SKI: variants seen among roughly 807,000 people sequenced by gnomAD.
SKI encodes the protein SKI proto-oncogene.
In SKI, 23 loss-of-function variants were observed where a neutral mutation model predicts 59.3. That is an observed-to-expected ratio of 0.39 (90% CI 0.28 to 0.55). The LOEUF is 0.55. SKI is among the 20% of genes least tolerant of loss of function. SKI has a pLI of 0.67. For synonymous variants in SKI, 673 were observed against 488.6 expected (o/e 1.38, Z -4.98); for missense variants, 1,017 against 1,038.9 (o/e 0.98, Z 0.29).
chr1:2,286,918 A>AG (rs1198093375), intron 1 of SKI, among the ~76,000 whole-genome samples: 2 of 152,270 alleles, frequency 1.3e-5, no homozygotes, highest in Non-Finnish European at 2.9e-5. Flanking sequence ...TGCTTATAAA[A>AG]GAACATCTTA....
intron 1 of SKI, among the ~76,000 whole-genome samples, chr1:2,302,601 CAGG>C (rs141190925): frequency 0.13 from 19,874 of 151,996 alleles, 1,592 homozygotes; most frequent in Middle Eastern, 0.24. Context: ...AGGGGTTTGG[CAGG>C]AGAAGGACGA....
At chr1:2,284,177 C>G (rs1474394439) in intron 1 of SKI, among the ~76,000 whole-genome samples, 1 of 152,148 alleles carries the variant, frequency 6.6e-6, no homozygotes, top group Non-Finnish European at 1.5e-5. Flanking sequence ...AGAGGCCGGC[C>G]CTGGGGGGCT....
intron 1 of SKI, among the ~76,000 whole-genome samples, chr1:2,264,547 G>T (rs1360379137): frequency 6.6e-6 from 1 of 152,096 alleles, no homozygotes; most frequent in Non-Finnish European, 1.5e-5. Context: ...GGGATTACAG[G>T]GGTGAGCCAC....
chr1:2,305,231 AGG>A (rs1467394734), intron 5 of SKI, among the ~76,000 whole-genome samples: 5 of 152,264 alleles, frequency 3.3e-5, no homozygotes, highest in African/African-American at 1.2e-4. Flanking sequence ...TACGTTGTTT[AGG>A]TTTCTTTCTG....
rs751629802 is a variant in SKI at position 2,229,696 on chromosome 1, A to G, written c.930A>G (p.Lys310=). The change falls in exon 1 of 7, where the codon AAA becomes AAG. Residue 310 remains lysine (K), a synonymous_variant. Transcript: ENST00000378536. The surrounding 1 kb of genome is among the most constrained non-coding windows in gnomAD (Gnocchi z 6.3). ...GCTGCCTGGACGACGTGAAGGAGAA[A>G]TTCGACTATGGCAACAAGTACAAGC... ...LGRCLDDVKE[K]FDYGNKYKRR... is the part of the protein sequence containing the mutation. 6.0e-5 allele frequency: 96 copies of G among 1,595,980 alleles called. No homozygotes were observed. The highest frequency in any genetic ancestry group is 7.9e-5 in the Non-Finnish European group (93 of 1,172,178).
chr1:2,230,892 C>A (rs1035448858), intron 1 of SKI, among the ~76,000 whole-genome samples: 1 of 151,744 alleles, frequency 6.6e-6, no homozygotes, highest in African/African-American at 2.4e-5. Context: ...AGTGTCAGAT[C>A]GTGGGGAGGA....
chr1:2,230,838 A>T (rs1402646112), intron 1 of SKI, among the ~76,000 whole-genome samples: 1 of 152,162 alleles, frequency 6.6e-6, no homozygotes, highest in East Asian at 1.9e-4. Flanking sequence ...TAAATCTGTG[A>T]ATAGATGCTC....
chr1:2,271,487 C>T (rs187074439), intron 1 of SKI, among the ~76,000 whole-genome samples: 103 of 152,298 alleles, frequency 6.8e-4, no homozygotes, highest in Middle Eastern at 3.4e-3. Flanking sequence ...CGGCCTCCAG[C>T]GTGGCGATTA....
At chr1:2,278,812 C>T (rs1007872486) in intron 1 of SKI, among the ~76,000 whole-genome samples, 5 of 152,094 alleles carry the variant, frequency 3.3e-5, no homozygotes, top group South Asian at 2.1e-4. Context: ...AGCACCCATG[C>T]GCACACGTGC....
chr1:2,246,747 G>T (rs1351285011), intron 1 of SKI, among the ~76,000 whole-genome samples: 3 of 152,192 alleles, frequency 2.0e-5, no homozygotes, highest in Non-Finnish European at 2.9e-5. Flanking sequence ...TGCCATTGGG[G>T]GAGGGAGTCT....
rs1638548965 is a variant in SKI at position 2,228,386 on chromosome 1, G to A, written c.-381G>A. Among the ~76,000 whole-genome samples, 1 of 141,344 alleles carries A rather than the reference G, an allele frequency of 7.1e-6. No homozygotes were observed. Among genetic ancestry groups the A allele is most frequent in the South Asian group, 2.2e-4 (1 of 4,502 alleles). 92.7% of individuals were successfully genotyped at this position (141,344 alleles called of 152,430 possible). ...CGCCTCGCGGCGCCGGCACCTGCCC[G>A]CGCGCCCCCCGCGAGCCCCGGGCCC... is the stretch of plus-strand genomic sequence containing the variant. On this transcript the variant is annotated 5_prime_UTR_variant, in exon 1 of 7. Transcript: ENST00000378536.
chr1:2,274,457 C>G (rs934881267), intron 1 of SKI, among the ~76,000 whole-genome samples: 15 of 152,138 alleles, frequency 9.9e-5, no homozygotes, highest in African/African-American at 3.6e-4. Flanking sequence ...GGGGCTGCCT[C>G]TCGCTCGCTC....
chr1:2,270,446 G>C lies in SKI; in HGVS notation c.970-32532G>C, dbSNP rs1054917660. Among the ~76,000 whole-genome samples, 1 of 152,224 alleles carries C rather than the reference G, an allele frequency of 6.6e-6. No individual in the cohort carries two copies. On this transcript the variant is annotated intron_variant, in intron 1 of 6. Transcript: ENST00000378536. This position sits in a 1 kb window ranked among gnomAD's most constrained non-coding sequence, Gnocchi z 4.1. ...CCAGGGGGTGTGGCCACAGGGCCTG[G>C]GCTTTGTCCCGTTTACGAGAGGTCA...
rs955249449 is a variant in SKI, at chr1:2,234,853, G to T, written c.969+5118G>T. Among the ~76,000 whole-genome samples the T allele has an allele frequency of 6.6e-5, 10 of 152,206 alleles. 1 individual carries two copies. Among genetic ancestry groups the T allele is most frequent in the Admixed American group, 3.3e-4 (5 of 15,292 alleles). On this transcript the variant is annotated intron_variant, in intron 1 of 6. Transcript: ENST00000378536. ...AATATCTGGGAGAGCTGGAAAAGAA[G>T]GCCCCTGTCCTTATTCTTCAGGGCT...
At chr1:2,283,905 G>T (rs1174777417) in intron 1 of SKI, among the ~76,000 whole-genome samples, 1 of 152,210 alleles carries the variant, frequency 6.6e-6, no homozygotes, top group Non-Finnish European at 1.5e-5. Flanking sequence ...CCCGCTGGCG[G>T]GTGGGGGCCA....
Position 2,306,308 on chromosome 1 carries a change from C to G in SKI, c.1998+58C>G, listed in dbSNP as rs1237371998. On this transcript the variant is annotated intron_variant, in intron 6 of 6. Coordinates refer to ENST00000378536, the MANE Select transcript of SKI (RefSeq NM_003036.4). ...CGGTGGGCGTGGAGCCGCCGTGGGC[C>G]CCGGTGGCCAGTCCTGCCCAGCCGG... The G allele has an allele frequency of 5.6e-6, 8 of 1,434,604 alleles. No homozygotes were observed. In the East Asian group the frequency reaches 1.5e-4, roughly 27 times the overall value. The allele number at this position is 1,434,604 out of a possible 1,614,324, so 88.9% of individuals were successfully genotyped here.
At chr1:2,293,770 G>C (rs1384424483) in intron 1 of SKI, among the ~76,000 whole-genome samples, 2 of 152,196 alleles carry the variant, frequency 1.3e-5, no homozygotes, top group African/African-American at 4.8e-5. Flanking sequence ...CTCTGGGACC[G>C]TCTACCTGTC....
At chr1:2,304,132 C>T (rs771006137) in intron 4 of SKI, 30 bp downstream of exon 4, 13 of 1,610,012 alleles carry the variant, frequency 8.1e-6, no homozygotes, top group Middle Eastern at 1.7e-4. Flanking sequence ...TGTGCCTCCT[C>T]CCTGTGGGCT....
chr1:2,229,492 C>T lies in SKI; in HGVS notation c.726C>T (p.Ala242=), dbSNP rs139227600. The T allele has an allele frequency of 7.9e-5, 128 of 1,611,656 alleles. No individual in the cohort carries two copies. The highest frequency in any genetic ancestry group is 1.0e-4 in the Non-Finnish European group (120 of 1,179,864). ...LVPELYSSPS[A]ACIQCLDCRL... The stretch of plus-strand genomic sequence containing the variant: ...CCGAGCTCTACAGCAGCCCGAGCGC[C>T]GCCTGCATCCAGTGCCTGGACTGCC... Residue 242 remains alanine (A), a synonymous_variant, in exon 1 of 7, where the codon GCC becomes GCT. Transcript: ENST00000378536. This position sits in a 1 kb window ranked among gnomAD's most constrained non-coding sequence, Gnocchi z 6.3.
Sources: allele counts gnomAD v4.1 joint callset (sites outside exome capture counted in the v4.1 genomes callset), GRCh38; gene constraint gnomAD v4.1.1; non-coding constraint Gnocchi (gnomAD v3.1); transcripts MANE v1.5; gene names NCBI Gene and HGNC (gene_info 2026-07-23, HGNC 2026-07-21).